Variants in ITPR2 observed in about 807,000 individuals in gnomAD.
ITPR2 encodes inositol 1,4,5-trisphosphate receptor type 2.
A neutral mutation model predicts 317.1 loss-of-function variants in ITPR2; 207 were observed. The ratio of observed to expected loss-of-function variants is 0.65; its 90% CI spans 0.58 to 0.73. ITPR2 has a LOEUF of 0.73. Ranked by LOEUF, ITPR2 falls within the 30% of genes least tolerant of loss-of-function variation. The pLI, the probability that ITPR2 is intolerant of heterozygous loss-of-function variation, is 0.00. For missense variants in ITPR2, 2,613 were observed against 3,284.0 expected, an observed-to-expected ratio of 0.80 and a Z score of 4.99; for synonymous variants, 1,156 against 1,149.1, an observed-to-expected ratio of 1.01 and a Z score of -0.12.
rs577396125 is a variant in ITPR2 at position 26,803,203 on chromosome 12, A to T, written c.93-12976T>A. Among the ~76,000 whole-genome samples the T allele has an allele frequency of 5.3e-5, 8 of 152,252 alleles. No individual in the cohort carries two copies. In the East Asian group the frequency reaches 1.5e-3, roughly 29 times the overall value. On this transcript the variant is annotated intron_variant, in intron 1 of 56. Coordinates refer to ENST00000381340, the MANE Select transcript of ITPR2 (RefSeq NM_002223.4). ...ATGATCCCACCATATTTGACATGCT[A>T]TTATTGTATTGTATTATACTTCAAG...
chr12:26,359,247 T>G (rs1309121161), intron 55 of ITPR2, among the ~76,000 whole-genome samples: 1 of 152,148 alleles, frequency 6.6e-6, no homozygotes, highest in Non-Finnish European at 1.5e-5. Flanking sequence ...TTTTCCAAGG[T>G]CTGGAGGTGA....
rs575598311 is a variant in ITPR2, at chr12:26,571,011, C to T, written c.4630+7702G>A. 2.6e-5 allele frequency among the ~76,000 whole-genome samples: 4 copies of T among 152,158 alleles called. No homozygotes were observed. The East Asian group carries it at 7.7e-4, about 29-fold the overall frequency. Reference sequence around the variant, plus strand: ...TTTATACCTTACATTCCAGTTAGGCCCCCTGCATGTAATGACTTTGCTGGG... The same window carrying T: ...TTTATACCTTACATTCCAGTTAGGCTCCCTGCATGTAATGACTTTGCTGGG... On this transcript the variant is annotated intron_variant, in intron 34 of 56. Transcript: ENST00000381340.
intron 37 of ITPR2, among the ~76,000 whole-genome samples, chr12:26,521,118 C>G (rs1943650283): frequency 6.7e-6 from 1 of 149,922 alleles, no homozygotes; most frequent in East Asian, 1.9e-4. Context: ...GTTAACCAAC[C>G]TGTATAATGC....
At chr12:26,469,980 C>T (rs911383659) in intron 45 of ITPR2, among the ~76,000 whole-genome samples, 5 of 152,146 alleles carry the variant, frequency 3.3e-5, no homozygotes, top group Non-Finnish European at 7.3e-5. Flanking sequence ...GCCTGCAAGC[C>T]CAACTGGCAA....
chr12:26,653,115 T>G (rs1215968101), intron 21 of ITPR2, among the ~76,000 whole-genome samples: 1 of 152,212 alleles, frequency 6.6e-6, no homozygotes, highest in Non-Finnish European at 1.5e-5. Context: ...AAGGCAGGAT[T>G]TGAATACAGA....
chr12:26,372,593 C>T (rs1056489036), intron 55 of ITPR2, among the ~76,000 whole-genome samples: 1 of 152,210 alleles, frequency 6.6e-6, no homozygotes, highest in Non-Finnish European at 1.5e-5. Flanking sequence ...TCCATTAACG[C>T]TCTTTCTACA....
chr12:26,759,727 C>G (rs1949594572), intron 2 of ITPR2, among the ~76,000 whole-genome samples: 1 of 152,220 alleles, frequency 6.6e-6, no homozygotes, highest in Non-Finnish European at 1.5e-5. Flanking sequence ...ACAACAAGGG[C>G]TCCTTATGAC....
intron 37 of ITPR2, among the ~76,000 whole-genome samples, chr12:26,531,512 T>C (rs909499348): frequency 6.6e-6 from 1 of 152,250 alleles, no homozygotes; most frequent in Non-Finnish European, 1.5e-5. Flanking sequence ...TCTAAAGCAA[T>C]GCTCTGACAA....
rs182630554 is a variant in ITPR2 at position 26,587,455 on chromosome 12, T to C, written c.4381-7300A>G. ...AAAACCTAAAGGAAAAGGAAGAAGT[T>C]ATGCAGATACAGGGAAGTCCAGCAT... On this transcript the variant is annotated intron_variant, in intron 32 of 56. Transcript: ENST00000381340. 7.2e-5 allele frequency among the ~76,000 whole-genome samples: 11 copies of C among 152,224 alleles called. No individual in the cohort carries two copies. In the East Asian group the frequency reaches 2.1e-3, roughly 29 times the overall value.
chr12:26,825,306 C>T (rs541783930), intron 1 of ITPR2, among the ~76,000 whole-genome samples: 16 of 152,194 alleles, frequency 1.1e-4, no homozygotes, highest in African/African-American at 1.4e-4. Flanking sequence ...CTGGTTATAA[C>T]GCAGTGATCT....
intron 21 of ITPR2, among the ~76,000 whole-genome samples, chr12:26,653,186 T>C (rs1947293759): frequency 6.6e-6 from 1 of 151,716 alleles, no homozygotes; most frequent in African/African-American, 2.4e-5. Context: ...CACACTGGCG[T>C]GGCATTCACT....
intron 45 of ITPR2, among the ~76,000 whole-genome samples, chr12:26,446,262 G>A (rs1313397596): frequency 6.6e-6 from 1 of 152,078 alleles, no homozygotes; most frequent in Non-Finnish European, 1.5e-5. Context: ...GGGAGGCCAG[G>A]AACCATATTT....
intron 49 of ITPR2, among the ~76,000 whole-genome samples, chr12:26,423,640 T>G: frequency 1.3e-5 from 2 of 152,254 alleles, no homozygotes; most frequent in South Asian, 4.1e-4. Context: ...AAAATGAGGT[T>G]TACAAATAAT....
chr12:26,424,946 G>T (rs12425119), intron 49 of ITPR2, among the ~76,000 whole-genome samples: 19,276 of 151,248 alleles, frequency 0.13, 1,902 homozygotes, highest in East Asian at 0.37. Flanking sequence ...TTTTAGTAGA[G>T]ACAGGGTTTT....
intron 43 of ITPR2, among the ~76,000 whole-genome samples, chr12:26,477,459 G>A (rs901449034): frequency 1.3e-5 from 2 of 151,872 alleles, no homozygotes; most frequent in African/African-American, 2.4e-5. Flanking sequence ...TTAGCAAATC[G>A]AAACCTAAAA....
At chr12:26,824,957 C>G (rs952485312) in intron 1 of ITPR2, among the ~76,000 whole-genome samples, 1 of 152,158 alleles carries the variant, frequency 6.6e-6, no homozygotes, top group East Asian at 1.9e-4. Flanking sequence ...ATGGGCTGGG[C>G]GCAGTGGCTC....
At chr12:26,788,068 A>T (rs1950287358) in intron 2 of ITPR2, among the ~76,000 whole-genome samples, 1 of 151,720 alleles carries the variant, frequency 6.6e-6, no homozygotes, top group African/African-American at 2.4e-5. Flanking sequence ...GATTACAGGC[A>T]TGAGCCACCA....
At chr12:26,819,306 T>C (rs1752761972) in intron 1 of ITPR2, among the ~76,000 whole-genome samples, 1 of 152,196 alleles carries the variant, frequency 6.6e-6, no homozygotes, top group South Asian at 2.1e-4. Context: ...TGGCTGGATA[T>C]TGTATCTTTT....
Position 26,832,852 on chromosome 12 carries a change from G to T in ITPR2, c.-71C>A. On this transcript the variant is annotated 5_prime_UTR_variant, in exon 1 of 57. Transcript: ENST00000381340. The stretch of plus-strand genomic sequence containing the variant: ...CTCGCCGCCCTCTCTCCAGGGAGCC[G>T]CCGCGGCAGAAGCGGATCGGATCGC... The T allele has an allele frequency of 8.1e-7, 1 of 1,229,762 alleles. No homozygotes were observed. The highest frequency in any genetic ancestry group is 1.2e-6 in the Non-Finnish European group (1 of 849,820). 76.2% of individuals were successfully genotyped at this position (1,229,762 alleles called of 1,614,324 possible).
Sources: gnomAD v4.1 joint callset for allele counts (sites outside exome capture counted in the v4.1 genomes callset) on GRCh38, gnomAD v4.1.1 for gene constraint, MANE v1.5 for transcripts, NCBI Gene and HGNC (gene_info 2026-07-23, HGNC 2026-07-21) for gene names.